The following ARHGAP32 variants were observed in gnomAD, a reference collection of about 807,000 sequenced individuals.
ARHGAP32 encodes Rho GTPase activating protein 32, also known as rho GTPase-activating protein 32.
ARHGAP32 carries 51 observed loss-of-function variants against 186.5 expected under a neutral mutation model. The observed-to-expected ratio is 0.27, with a 90% CI of 0.22 to 0.35. ARHGAP32 has a LOEUF of 0.35. Ranked by LOEUF, ARHGAP32 falls within the 10% of genes least tolerant of loss-of-function variation. The pLI is 1.00. For synonymous variants in ARHGAP32, 950 were observed against 964.3 expected (o/e 0.99, Z 0.27); for missense variants, 2,186 against 2,623.5 (o/e 0.83, Z 3.64).
chr11:128,988,084 ATC>A lies in ARHGAP32; in HGVS notation c.1235_1236del (p.Arg412IlefsTer23). 6.2e-7 allele frequency: 1 copy of A among 1,613,562 alleles called. No individual in the cohort carries two copies. Among genetic ancestry groups the A allele is most frequent in the Non-Finnish European group, 8.5e-7 (1 of 1,179,632 alleles). ...VLQSCTAFIE[R>X]YGIVDGIYRL... ...CGATAGATTCCATCCACGATGCCAT[ATC>A]TCTCAATGAATGCTGTGCAGCTTTG... On this transcript the variant is annotated frameshift_variant, in exon 13 of 23. Transcript: ENST00000682385. LOFTEE classifies it high-confidence loss of function.
chr11:129,074,714 G>A (rs999561285), intron 6 of ARHGAP32, among the ~76,000 whole-genome samples: 2 of 151,982 alleles, frequency 1.3e-5, no homozygotes, highest in Non-Finnish European at 2.9e-5. Flanking sequence ...GGATGGTCTC[G>A]ATCTCCTGAC....
chr11:128,976,568 A>G lies in ARHGAP32; in HGVS notation c.2189T>C (p.Val730Ala), dbSNP rs777719303. ...ACTGATGCTTTTAGTCTTACCATCA[A>G]CTGCATGGAGAGATGTAAGAGACTC... ...SEESLTSLHA[V>A]DGDSKLFRPR... The change falls in exon 20 of 23, where the codon GTT becomes GCT. Residue 730 changes from valine (V) to alanine (A), a missense_variant. Physicochemically the swap from Val to Ala is moderately conservative, Grantham distance 64 (BLOSUM62 0). Transcript: ENST00000682385. The G allele has an allele frequency of 5.0e-6, 8 of 1,613,396 alleles. No homozygotes were observed. Among genetic ancestry groups the G allele is most frequent in the East Asian group, 2.2e-5 (1 of 44,860 alleles).
intron 1 of ARHGAP32, among the ~76,000 whole-genome samples, chr11:129,183,793 C>A (rs572735894): frequency 6.6e-6 from 1 of 152,068 alleles, no homozygotes; most frequent in South Asian, 2.1e-4. Context: ...AAAGGCACCA[C>A]GATTCTGCCT....
intron 5 of ARHGAP32, among the ~76,000 whole-genome samples, chr11:129,120,498 A>G (rs918802507): frequency 1.3e-5 from 2 of 152,100 alleles, no homozygotes; most frequent in Non-Finnish European, 2.9e-5. Flanking sequence ...TGACCCAGTA[A>G]AAGTACTGAC....
intron 1 of ARHGAP32, among the ~76,000 whole-genome samples, chr11:129,167,905 A>T (rs1269621229): frequency 2.0e-5 from 3 of 152,200 alleles, no homozygotes; most frequent in African/African-American, 7.2e-5. Flanking sequence ...AAGTAAATGG[A>T]CTTAAAGATC....
In ARHGAP32 at chr11:129,203,795, G is replaced by A. The variant is rs540338804; in HGVS notation, c.-4-39368C>T. Among the ~76,000 whole-genome samples the A allele has an allele frequency of 9.3e-5, 14 of 149,758 alleles. No individual in the cohort carries two copies. In the East Asian group the frequency reaches 1.4e-3, roughly 15 times the overall value. On this transcript the variant is annotated intron_variant, in intron 1 of 6. Coordinates refer to the ARHGAP32 transcript ENST00000525234. Reference sequence around the variant, plus strand: ...TGCACGCCTGTAATCTCAGCTACTCGGGAGGCTGAGGTGAGAGGCTTGAGC... The same window carrying A: ...TGCACGCCTGTAATCTCAGCTACTCAGGAGGCTGAGGTGAGAGGCTTGAGC...
At chr11:129,156,928 A>G (rs1943423097) in intron 2 of ARHGAP32, among the ~76,000 whole-genome samples, 1 of 152,202 alleles carries the variant, frequency 6.6e-6, no homozygotes, top group Admixed American at 6.5e-5. Context: ...GGTGATACCC[A>G]GGCAAACAGG....
intron 10 of ARHGAP32, among the ~76,000 whole-genome samples, chr11:129,053,490 T>C (rs1343627160): frequency 1.3e-5 from 2 of 152,154 alleles, no homozygotes; most frequent in African/African-American, 2.4e-5. Context: ...AAATCTATGA[T>C]TCACACAAGT....
chr11:129,201,157 A>C (rs910484226), intron 1 of ARHGAP32, among the ~76,000 whole-genome samples: 2 of 152,222 alleles, frequency 1.3e-5, no homozygotes, highest in Non-Finnish European at 2.9e-5. Context: ...AGTGTTAATA[A>C]GGGATATTAA....
At chr11:129,183,815 C>G (rs1944103294) in intron 1 of ARHGAP32, among the ~76,000 whole-genome samples, 1 of 152,060 alleles carries the variant, frequency 6.6e-6, no homozygotes, top group Admixed American at 6.6e-5. Context: ...AGTGAATGTT[C>G]CCTGCAGAAA....
chr11:129,151,021 A>T (rs184186693), intron 2 of ARHGAP32, among the ~76,000 whole-genome samples: 1 of 152,094 alleles, frequency 6.6e-6, no homozygotes, highest in South Asian at 2.1e-4. Flanking sequence ...CTTAAGGTAA[A>T]GGGGTGGGAA....
Position 128,981,435 on chromosome 11 carries a change from C to T in ARHGAP32, c.1761G>A (p.Met587Ile). 2 of 1,609,444 alleles carry T rather than the reference C, an allele frequency of 1.2e-6. No homozygotes were observed. The highest frequency in any genetic ancestry group is 1.7e-6 in the Non-Finnish European group (2 of 1,176,922). ...VDVLFSGRIS[M>I]AMQEGAASLS... is the part of the protein sequence containing the mutation. ...CCGTACCTGCCCCCTCTTGCATGGC[C>T]ATGCTGATTCTGCCGCTGAACAGCA... The change falls in exon 17 of 23, where the codon ATG becomes ATA. Residue 587 changes from methionine to isoleucine, a missense_variant. Physicochemically the swap from Met to Ile is conservative, Grantham distance 10. Around this residue, in one of 5 missense-constraint regions of ARHGAP32, gnomAD observed 263 missense variants for 323.5 expected, o/e 0.81. Transcript: ENST00000682385.
chr11:129,251,558 T>C (rs907414035), intron 1 of ARHGAP32, among the ~76,000 whole-genome samples: 4 of 151,926 alleles, frequency 2.6e-5, no homozygotes, highest in Non-Finnish European at 5.9e-5. Flanking sequence ...CTGAAACACA[T>C]CAACAATATA....
At chr11:129,181,011 G>A (rs757910526) in intron 1 of ARHGAP32, among the ~76,000 whole-genome samples, 5 of 152,048 alleles carry the variant, frequency 3.3e-5, no homozygotes, top group Middle Eastern at 3.4e-3. Flanking sequence ...AAGTCCAAGC[G>A]GATTTCCTTC....
intron 19 of ARHGAP32, 70 bp downstream of exon 19, chr11:128,978,700 G>T: frequency 1.4e-6 from 2 of 1,481,426 alleles, no homozygotes; most frequent in Non-Finnish European, 1.8e-6. Context: ...AACAATATGT[G>T]AAGAACGTGC....
At chr11:129,159,791 T>A (rs1323421360) in intron 2 of ARHGAP32, among the ~76,000 whole-genome samples, 2 of 152,050 alleles carry the variant, frequency 1.3e-5, no homozygotes, top group Non-Finnish European at 2.9e-5. Flanking sequence ...CAGGCCAATA[T>A]CCCTGATGAA....
intron 2 of ARHGAP32, among the ~76,000 whole-genome samples, chr11:129,160,647 G>A (rs1943510257): frequency 6.6e-6 from 1 of 152,152 alleles, no homozygotes; most frequent in Non-Finnish European, 1.5e-5. Context: ...ACTGCTCAAT[G>A]AAATAAGAGA....
chr11:129,229,465 C>T (rs1361588209), intron 1 of ARHGAP32, among the ~76,000 whole-genome samples: 1 of 152,098 alleles, frequency 6.6e-6, no homozygotes, highest in East Asian at 1.9e-4. Context: ...TTTTACTACT[C>T]GCTCAATTAT....
intron 11 of ARHGAP32, among the ~76,000 whole-genome samples, chr11:129,037,537 A>C (rs1410873462): frequency 6.6e-5 from 10 of 151,940 alleles, no homozygotes; most frequent in Non-Finnish European, 1.2e-4. Flanking sequence ...TAAATAAATG[A>C]AAAACATCCC....
Sources: allele counts gnomAD v4.1 joint callset (sites outside exome capture counted in the v4.1 genomes callset), GRCh38; gene constraint gnomAD v4.1.1; regional missense constraint gnomAD v4.1.1; transcripts MANE v1.5; gene names NCBI Gene and HGNC (gene_info 2026-07-23, HGNC 2026-07-21).